The following RAPGEF2 variants were observed in gnomAD, a reference collection of about 807,000 sequenced individuals.
RAPGEF2 encodes the protein Rap guanine nucleotide exchange factor 2.
RAPGEF2 carries 54 observed loss-of-function variants against 186.7 expected under a neutral mutation model. The ratio of observed to expected loss-of-function variants is 0.29; its 90% CI spans 0.23 to 0.36. The LOEUF (loss-of-function observed/expected upper bound fraction) is 0.36. RAPGEF2 is among the 10% of genes least tolerant of loss of function. The probability of loss-of-function intolerance (pLI) is 1.00; values close to 1 mark genes in which losing one functional copy is unlikely to be tolerated. For missense variants in RAPGEF2, 1,532 were observed against 2,045.0 expected (o/e 0.75, Z 4.84); for synonymous variants, 712 against 705.9 (o/e 1.01, Z -0.14).
At chr4:159,162,395 TAA>T (rs79478746) in intron 1 of RAPGEF2, among the ~76,000 whole-genome samples, 27 of 133,364 alleles carry the variant, frequency 2.0e-4, no homozygotes, top group Middle Eastern at 3.5e-3. Context: ...TACTGTCTCT[TAA>T]AAAAAAAAAA....
intron 8 of RAPGEF2, among the ~76,000 whole-genome samples, chr4:159,305,049 A>T (rs185492649): frequency 2.0e-5 from 3 of 152,182 alleles, no homozygotes; most frequent in African/African-American, 7.2e-5. Context: ...ATTTCATTGC[A>T]TATATGTACT....
At chr4:159,229,502 C>G (rs1032899781) in intron 4 of RAPGEF2, 5 of 152,218 alleles carry the variant, frequency 3.3e-5, no homozygotes, top group Admixed American at 3.3e-4. Flanking sequence ...TCTGGTGTTT[C>G]ATTGCCTATG....
intron 9 of RAPGEF2, among the ~76,000 whole-genome samples, chr4:159,316,395 T>C (rs1764610310): frequency 6.6e-6 from 1 of 152,208 alleles, no homozygotes; most frequent in African/African-American, 2.4e-5. Context: ...CCTCGGTCTC[T>C]TGCCTCGGCA....
At chr4:159,332,339 G>T in intron 16 of RAPGEF2, 112 bp from the exon 17 acceptor site, 1 of 1,162,790 alleles carries the variant, frequency 8.6e-7, no homozygotes, top group Non-Finnish European at 1.2e-6. Flanking sequence ...TTGCAGTTTT[G>T]ATAACTGAAG....
chr4:159,304,608 G>A, intron 8 of RAPGEF2, 135 bp downstream of exon 8: 1 of 777,642 alleles, frequency 1.3e-6, no homozygotes, highest in Non-Finnish European at 1.9e-6. Context: ...AAATATTAAT[G>A]TTTATTTCGT....
At chr4:159,144,052 C>A (rs553009598) in intron 1 of RAPGEF2, among the ~76,000 whole-genome samples, 1 of 152,238 alleles carries the variant, frequency 6.6e-6, no homozygotes, top group East Asian at 1.9e-4. Context: ...ACAGTGAAAC[C>A]GTGTAAAGAA....
intron 1 of RAPGEF2, among the ~76,000 whole-genome samples, chr4:159,120,652 A>G (rs571887511): frequency 5.3e-5 from 8 of 152,304 alleles, no homozygotes; most frequent in Admixed American, 3.9e-4. Context: ...ATAAGAGTCT[A>G]GCATTTATCA....
chr4:159,354,158 C>A (rs1419156341), intron 28 of RAPGEF2, 112 bp downstream of exon 28: 1 of 1,138,366 alleles, frequency 8.8e-7, no homozygotes, highest in African/African-American at 1.6e-5. Context: ...TTCTCCATTG[C>A]TATGTAGGAC....
In RAPGEF2 at chr4:159,344,069, G is replaced by A. The variant is rs373094377; in HGVS notation, c.3278+10G>A. 5.2e-6 allele frequency: 8 copies of A among 1,530,366 alleles called. No individual in the cohort carries two copies. Among genetic ancestry groups the A allele is most frequent in the South Asian group, 2.2e-5 (2 of 89,332 alleles). 94.8% of individuals were successfully genotyped at this position (1,530,366 alleles called of 1,614,324 possible). A position where few individuals can be genotyped will look rare whatever the true frequency, so the allele number is the denominator to read the frequency against. ...AATGGCGGAGTTTGGGGTAAGTGGTGGAGACCTTGCATACCCACACACAGT... is the reference window on the plus strand; with the variant it reads ...AATGGCGGAGTTTGGGGTAAGTGGTAGAGACCTTGCATACCCACACACAGT... On this transcript the variant is annotated intron_variant, in intron 23 of 29. Transcript: ENST00000691494.
intron 3 of RAPGEF2, among the ~76,000 whole-genome samples, chr4:159,208,444 A>T (rs930389095): frequency 1.3e-5 from 2 of 151,716 alleles, no homozygotes; most frequent in African/African-American, 4.8e-5. Flanking sequence ...CTTCCTTTCT[A>T]CTCCTCCCAC....
At chr4:159,179,097 A>G (rs2111269961) in intron 1 of RAPGEF2, among the ~76,000 whole-genome samples, 1 of 152,328 alleles carries the variant, frequency 6.6e-6, no homozygotes, top group African/African-American at 2.4e-5. Context: ...TGTCCTTCCT[A>G]GGGTAAAACG....
intron 7 of RAPGEF2, among the ~76,000 whole-genome samples, chr4:159,294,283 C>G (rs970534147): frequency 6.6e-6 from 1 of 152,048 alleles, no homozygotes; most frequent in African/African-American, 2.4e-5. Flanking sequence ...TTCCCGAGCT[C>G]CATACTCCAT....
intron 1 of RAPGEF2, among the ~76,000 whole-genome samples, chr4:159,179,994 G>A (rs1746842760): frequency 1.3e-5 from 2 of 152,162 alleles, no homozygotes; most frequent in African/African-American, 4.8e-5. Context: ...ATAGTGAGCC[G>A]ATATGGGGCT....
intron 7 of RAPGEF2, among the ~76,000 whole-genome samples, chr4:159,300,575 ATTAAC>A (rs1436009620): frequency 1.3e-5 from 2 of 152,178 alleles, no homozygotes; most frequent in Admixed American, 6.5e-5. Context: ...TTTTCATTTA[ATTAAC>A]TTAATTATTG....
chr4:159,341,511 A>G (rs1729469938), intron 19 of RAPGEF2, 53 bp from the exon 20 acceptor site: 6 of 1,504,106 alleles, frequency 4.0e-6, no homozygotes, highest in South Asian at 2.7e-5. Context: ...TTCAAGGAAT[A>G]TCATGAGATT....
At chr4:159,265,403 G>C (rs1266352082) in intron 7 of RAPGEF2, among the ~76,000 whole-genome samples, 1 of 152,166 alleles carries the variant, frequency 6.6e-6, no homozygotes, top group Non-Finnish European at 1.5e-5. Flanking sequence ...TTTGGGAGTG[G>C]AGGTGGCATC....
intron 7 of RAPGEF2, among the ~76,000 whole-genome samples, chr4:159,293,765 G>T (rs1761546409): frequency 1.3e-5 from 2 of 152,172 alleles, no homozygotes; most frequent in Admixed American, 1.3e-4. Context: ...TCTAGATAGT[G>T]GTTCAGGGTT....
At chr4:159,334,563 A>T (rs1462941686) in intron 17 of RAPGEF2, among the ~76,000 whole-genome samples, 3 of 152,192 alleles carry the variant, frequency 2.0e-5, no homozygotes, top group African/African-American at 7.2e-5. Flanking sequence ...ATGCAGAATT[A>T]TTAACAGCAC....
At chr4:159,198,887 C>A (rs1321168456) in intron 3 of RAPGEF2, among the ~76,000 whole-genome samples, 1 of 151,376 alleles carries the variant, frequency 6.6e-6, no homozygotes, top group Non-Finnish European at 1.5e-5. Context: ...CGAGACCAGC[C>A]TGGGCAACAT....
Sources: allele counts gnomAD v4.1 joint callset (sites outside exome capture counted in the v4.1 genomes callset), GRCh38; gene constraint gnomAD v4.1.1; transcripts MANE v1.5; gene names NCBI Gene and HGNC (gene_info 2026-07-23, HGNC 2026-07-21).